UHRF2: variants seen among roughly 807,000 people sequenced by gnomAD.
UHRF2 encodes E3 ubiquitin-protein ligase UHRF2.
In UHRF2, 23 loss-of-function variants were observed where a neutral mutation model predicts 96.8. The observed-to-expected ratio is 0.24, with a 90% CI of 0.17 to 0.34. The LOEUF is 0.34. UHRF2 is among the 10% of genes least tolerant of loss of function. UHRF2 has a pLI of 1.00. For synonymous variants in UHRF2, 385 were observed against 332.6 expected (o/e 1.16, Z -1.72); for missense variants, 685 against 981.5 (o/e 0.70, Z 4.04).
intron 9 of UHRF2, among the ~76,000 whole-genome samples, chr9:6,493,082 G>C (rs1052672366): frequency 1.3e-5 from 2 of 152,108 alleles, no homozygotes; most frequent in African/African-American, 4.8e-5. Flanking sequence ...TGGATCACTT[G>C]AGACCGGGAG....
At position 6,486,780 on chromosome 9, in the gene UHRF2, T is replaced by C; in HGVS notation, c.1393-41T>C. ...AAGCATTTTGTAAATGTATCTTAAC[T>C]GTTCAGAGGTATTTTGAGACTCTCT... On this transcript the variant is annotated intron_variant, in intron 8 of 15. Transcript: ENST00000276893. 4.4e-6 allele frequency: 7 copies of C among 1,587,494 alleles called. No homozygotes were observed. In the South Asian group the frequency reaches 6.7e-5, roughly 15 times the overall value.
chr9:6,446,640 A>T (rs1821523242), intron 3 of UHRF2, among the ~76,000 whole-genome samples: 1 of 151,018 alleles, frequency 6.6e-6, no homozygotes, highest in Non-Finnish European at 1.5e-5. Flanking sequence ...CTTGGGGACG[A>T]CAGGCGTTTG....
intron 4 of UHRF2, among the ~76,000 whole-genome samples, chr9:6,474,370 C>CT (rs778292165): frequency 6.6e-6 from 1 of 152,170 alleles, no homozygotes; most frequent in East Asian, 1.9e-4. Flanking sequence ...AAGATTTAGG[C>CT]TTCTTAAATC....
chr9:6,457,382 C>T (rs1822246841), intron 3 of UHRF2, among the ~76,000 whole-genome samples: 1 of 143,226 alleles, frequency 7.0e-6, no homozygotes, highest in African/African-American at 2.5e-5. Context: ...GCTGAAGTTG[C>T]TTATCACCTT....
intron 8 of UHRF2, among the ~76,000 whole-genome samples, chr9:6,485,058 G>A (rs1039484855): frequency 2.6e-5 from 4 of 151,742 alleles, no homozygotes; most frequent in Non-Finnish European, 5.9e-5. Flanking sequence ...CTCCCAAAGT[G>A]CTGGGATTAC....
intron 3 of UHRF2, among the ~76,000 whole-genome samples, chr9:6,458,617 G>T (rs571654897): frequency 1.3e-5 from 2 of 152,204 alleles, no homozygotes; most frequent in South Asian, 4.2e-4. Context: ...CTTTTATACT[G>T]TTGGTGGGAG....
At chr9:6,444,069 A>G (rs567567564) in intron 3 of UHRF2, among the ~76,000 whole-genome samples, 1 of 152,334 alleles carries the variant, frequency 6.6e-6, no homozygotes, top group Non-Finnish European at 1.5e-5. Context: ...CTTTTTTCTA[A>G]GAGTTCCAAA....
chr9:6,432,770 C>G (rs1820626039), intron 2 of UHRF2, among the ~76,000 whole-genome samples: 1 of 151,806 alleles, frequency 6.6e-6, no homozygotes, highest in Admixed American at 6.6e-5. Context: ...TTCATTTTTT[C>G]CTTTTTAAGG....
chr9:6,468,645 C>G (rs1823027085), intron 4 of UHRF2: 1 of 455,912 alleles, frequency 2.2e-6, no homozygotes, highest in Non-Finnish European at 4.4e-6. Flanking sequence ...ATATGGCCTG[C>G]TTTCACCTTT....
At chr9:6,441,633 A>G (rs1471457670) in intron 3 of UHRF2, among the ~76,000 whole-genome samples, 2 of 152,150 alleles carry the variant, frequency 1.3e-5, no homozygotes, top group African/African-American at 4.8e-5. Context: ...TTGATATATG[A>G]CAGTTTAACT....
chr9:6,455,560 C>T (rs980848832), intron 3 of UHRF2, among the ~76,000 whole-genome samples: 16 of 152,198 alleles, frequency 1.1e-4, no homozygotes, highest in Non-Finnish European at 1.9e-4. Context: ...TGGGTTGGTT[C>T]CAAGTCTTTG....
intron 2 of UHRF2, among the ~76,000 whole-genome samples, chr9:6,430,445 A>G (rs1820503653): frequency 6.6e-6 from 1 of 152,142 alleles, no homozygotes; most frequent in African/African-American, 2.4e-5. Context: ...ATAATTGTAT[A>G]TTTTATGATG....
rs144549205 is a variant in UHRF2, at chr9:6,460,277, A to C, written c.645-296A>C. Among the ~76,000 whole-genome samples the C allele has an allele frequency of 1.5e-3, 231 of 152,310 alleles. 2 individuals are homozygous for C. Among genetic ancestry groups the C allele is most frequent in the African/African-American group, 5.3e-3 (219 of 41,566 alleles). ...TCAAAGTAGATGATTGTGGTTCTTG[A>C]ATGCGGGCTGAACACTTACTTGCCT... On this transcript the variant is annotated intron_variant, in intron 3 of 15. Coordinates refer to ENST00000276893, the MANE Select transcript of UHRF2 (RefSeq NM_152896.3).
intron 4 of UHRF2, among the ~76,000 whole-genome samples, chr9:6,470,260 C>A (rs1057070675): frequency 2.0e-5 from 3 of 151,418 alleles, no homozygotes; most frequent in Non-Finnish European, 4.4e-5. Flanking sequence ...GTAACCCCAG[C>A]TATTTGTGAG....
intron 2 of UHRF2, among the ~76,000 whole-genome samples, chr9:6,424,009 T>G (rs569007485): frequency 8.4e-5 from 1 of 11,952 alleles, no homozygotes; most frequent in East Asian, 0.017. Context: ...AGGTTAATAT[T>G]TTAAACACAT....
At chr9:6,490,821 TTGAC>T (rs1364830118) in intron 9 of UHRF2, among the ~76,000 whole-genome samples, 1 of 152,324 alleles carries the variant, frequency 6.6e-6, no homozygotes, top group African/African-American at 2.4e-5. Flanking sequence ...TAGGCCTTGA[TTGAC>T]AGCTAAAATG....
At chr9:6,417,586 T>C (rs1819680285) in intron 1 of UHRF2, among the ~76,000 whole-genome samples, 1 of 152,238 alleles carries the variant, frequency 6.6e-6, no homozygotes, top group South Asian at 2.1e-4. Context: ...AATAAAGTTG[T>C]GTGGAACTTG....
intron 3 of UHRF2, among the ~76,000 whole-genome samples, chr9:6,460,114 A>G (rs1428874325): frequency 1.3e-5 from 2 of 152,264 alleles, no homozygotes; most frequent in Non-Finnish European, 2.9e-5. Context: ...CTGGGAAGTC[A>G]AATCATGAGT....
At chr9:6,469,562 C>G (rs777726531) in intron 4 of UHRF2, among the ~76,000 whole-genome samples, 3 of 151,324 alleles carry the variant, frequency 2.0e-5, no homozygotes, top group Non-Finnish European at 4.4e-5. Context: ...TAAGACACAG[C>G]AGAAGATAGG....
Sources: allele counts gnomAD v4.1 joint callset (sites outside exome capture counted in the v4.1 genomes callset), GRCh38; gene constraint gnomAD v4.1.1; transcripts MANE v1.5; gene names NCBI Gene and HGNC (gene_info 2026-07-23, HGNC 2026-07-21).